FYCO1: variants seen among roughly 807,000 people sequenced by gnomAD.
The protein encoded by FYCO1 is FYVE and coiled-coil domain autophagy adaptor 1.
Under a neutral mutation model 165.1 loss-of-function variants are expected in FYCO1, and 122 were observed. That is an observed-to-expected ratio of 0.74 (90% confidence interval 0.64 to 0.86). The LOEUF is 0.86. Ranked by LOEUF, FYCO1 falls within the 40% of genes least tolerant of loss-of-function variation. The pLI, the probability that FYCO1 is intolerant of heterozygous loss-of-function variation, is 0.00. For synonymous variants in FYCO1, 648 were observed against 742.5 expected (o/e 0.87, Z 2.07); for missense variants, 1,702 against 1,810.3 (o/e 0.94, Z 1.09).
At chr3:45,960,392 T>C (rs1274269019) in intron 11 of FYCO1, among the ~76,000 whole-genome samples, 4 of 152,208 alleles carry the variant, frequency 2.6e-5, no homozygotes, top group East Asian at 1.9e-4. Flanking sequence ...CCAGATCTTT[T>C]GCCTTAAATA....
At chr3:45,949,098 A>T (rs998476163) in intron 14 of FYCO1, among the ~76,000 whole-genome samples, 2 of 152,202 alleles carry the variant, frequency 1.3e-5, no homozygotes, top group Admixed American at 1.3e-4. Flanking sequence ...GGTGTGTGGC[A>T]TACCATGTGC....
At chr3:45,946,947 T>G (rs1444073011) in intron 14 of FYCO1, 1 of 1,614,232 alleles carries the variant, frequency 6.2e-7, no homozygotes, top group South Asian at 1.1e-5. Flanking sequence ...CTTGCTCATC[T>G]GGGTGATATC....
chr3:45,969,774 C>A lies in FYCO1; in HGVS notation c.540-9G>T, dbSNP rs766087455. ...CAGTGGTCAGCGTCCTCCTGTGGGG[C>A]CACAAAACAGACATACCTGTATTCA... On this transcript the variant is annotated splice_polypyrimidine_tract_variant and intron_variant, in intron 6 of 17. Coordinates refer to ENST00000296137, the MANE Select transcript of FYCO1 (RefSeq NM_024513.4). The A allele has an allele frequency of 1.2e-6, 2 of 1,611,736 alleles. No individual in the cohort carries two copies. The highest frequency in any genetic ancestry group is 3.3e-5 in the Admixed American group (2 of 59,994).
At chr3:45,959,669 G>T in intron 11 of FYCO1, 127 bp from the exon 12 acceptor site, 1 of 986,816 alleles carries the variant, frequency 1.0e-6, no homozygotes, top group Non-Finnish European at 1.5e-6. Flanking sequence ...CTTTCACCTT[G>T]GAAATATGCC....
intron 4 of FYCO1, 27 bp downstream of exon 4, chr3:45,979,677 GA>G (rs1323695292): frequency 6.2e-7 from 1 of 1,613,032 alleles, no homozygotes. Flanking sequence ...AGGACGACAT[GA>G]AGTTGTTGGC....
At chr3:45,991,310 C>G (rs1707551259) in intron 1 of FYCO1, among the ~76,000 whole-genome samples, 1 of 152,164 alleles carries the variant, frequency 6.6e-6, no homozygotes, top group African/African-American at 2.4e-5. Context: ...GCCTACCTAG[C>G]CTCTCTTTAT....
chr3:45,977,366 T>C (rs1204404807), intron 4 of FYCO1, among the ~76,000 whole-genome samples: 3 of 10,342 alleles, frequency 2.9e-4, no homozygotes, highest in Non-Finnish European at 6.8e-4. Flanking sequence ...TATATATATA[T>C]ATATATATAT....
intron 5 of FYCO1, among the ~76,000 whole-genome samples, chr3:45,973,525 G>A (rs988649612): frequency 2.0e-5 from 3 of 152,118 alleles, no homozygotes; most frequent in African/African-American, 7.2e-5. Flanking sequence ...GCCAAGAAAG[G>A]GGAATTGTAG....
In FYCO1 at chr3:45,967,148, T is replaced by C. The variant is rs201194585; in HGVS notation, c.2186A>G (p.Glu729Gly). 1.9e-6 allele frequency: 3 copies of C among 1,613,320 alleles called. No homozygotes were observed. The highest frequency in any genetic ancestry group is 4.5e-5 in the East Asian group (2 of 44,838). Residue 729 changes from glutamate (E) to glycine (G), a missense_variant, in exon 8 of 18, where the codon GAG (glutamate) becomes GGG (glycine). Transcript: ENST00000296137. ...GCACTGGCTCTCGAGAGCCCTAAGC[T>C]CTCTGTGCCGGGCTTCTGCCAGTTG... The part of the protein sequence containing the change: ...CQQLAEARHR[E>G]LRALESQCQQ...
intron 16 of FYCO1, among the ~76,000 whole-genome samples, chr3:45,927,318 T>C (rs188399849): frequency 7.2e-4 from 109 of 152,352 alleles, no homozygotes; most frequent in Non-Finnish European, 4.0e-4. Flanking sequence ...ATTCAAGTTA[T>C]ACAAAGTATG....
intron 16 of FYCO1, among the ~76,000 whole-genome samples, chr3:45,928,694 C>T (rs1033481793): frequency 2.6e-5 from 4 of 152,180 alleles, no homozygotes; most frequent in Non-Finnish European, 5.9e-5. Flanking sequence ...CTGTGGTCTT[C>T]ATCATCGCCC....
Position 45,938,262 on chromosome 3 carries a change from G to A in FYCO1, c.3945-1719C>T, listed in dbSNP as rs934535850. 7.0e-6 allele frequency: 9 copies of A among 1,288,114 alleles called. No homozygotes were observed. The Admixed American group carries it at 2.1e-4, about 30-fold the overall frequency. The allele number at this position is 1,288,114 out of a possible 1,614,324, so 79.8% of individuals were successfully genotyped here. ...GCTGGCCCCGACAGACGCCCTGCAT[G>A]AGTGAGGTAGGAATGGGATAGGTGG... On this transcript the variant is annotated intron_variant, in intron 14 of 17. Coordinates refer to ENST00000296137, the MANE Select transcript of FYCO1 (RefSeq NM_024513.4).
intron 17 of FYCO1, among the ~76,000 whole-genome samples, chr3:45,923,242 C>T (rs537646842): frequency 3.3e-5 from 5 of 152,216 alleles, no homozygotes; most frequent in South Asian, 2.1e-4. Context: ...CTCCCTTTCT[C>T]GTTCATTCAT....
chr3:45,929,374 T>C (rs918753607), intron 16 of FYCO1, among the ~76,000 whole-genome samples: 3 of 152,126 alleles, frequency 2.0e-5, no homozygotes, highest in Non-Finnish European at 4.4e-5. Flanking sequence ...GGGTAGGGAC[T>C]GAGCAAGGGG....
At chr3:45,983,021 A>T (rs930257909) in intron 2 of FYCO1, among the ~76,000 whole-genome samples, 3 of 152,218 alleles carry the variant, frequency 2.0e-5, no homozygotes, top group Admixed American at 1.3e-4. Flanking sequence ...TGGATATGAA[A>T]TATGAAATTT....
intron 14 of FYCO1, among the ~76,000 whole-genome samples, chr3:45,954,175 A>G (rs1440885727): frequency 6.6e-6 from 1 of 152,202 alleles, no homozygotes. Flanking sequence ...ATGCAGCCCA[A>G]CACAAATTCA....
At chr3:45,984,623 T>C (rs894561461) in intron 2 of FYCO1, 6 of 628,706 alleles carry the variant, frequency 9.5e-6, no homozygotes, top group African/African-American at 7.3e-5. Context: ...GGGTGTATGA[T>C]TTTGTTTACA....
rs558313601 is a variant in FYCO1 at position 45,932,973 on chromosome 3, C to T, written c.4041-1692G>A. 5.3e-5 allele frequency among the ~76,000 whole-genome samples: 8 copies of T among 152,314 alleles called. No homozygotes were observed. The East Asian group carries it at 1.5e-3, about 29-fold the overall frequency. On this transcript the variant is annotated intron_variant, in intron 15 of 17. Transcript: ENST00000296137. ...ATAATGCCCCATTAATACATTAATGCTGGAGCATTTTATAATTTTATGCTC... is the reference window on the plus strand; with the variant it reads ...ATAATGCCCCATTAATACATTAATGTTGGAGCATTTTATAATTTTATGCTC...
intron 13 of FYCO1, among the ~76,000 whole-genome samples, chr3:45,956,012 C>CA (rs1559453911): frequency 1.3e-5 from 2 of 149,354 alleles, no homozygotes; most frequent in Non-Finnish European, 3.0e-5. Context: ...GCATATGTCA[C>CA]GGAAAAATGT....
Sources: allele counts gnomAD v4.1 joint callset (sites outside exome capture counted in the v4.1 genomes callset), GRCh38; gene constraint gnomAD v4.1.1; transcripts MANE v1.5; gene names NCBI Gene and HGNC (gene_info 2026-07-23, HGNC 2026-07-21).